The following ELF2 variants were observed in gnomAD, a reference collection of about 807,000 sequenced individuals.
ELF2 encodes E74 like ETS transcription factor 2.
A neutral mutation model predicts 54.8 loss-of-function variants in ELF2; 11 were observed. The observed-to-expected ratio is 0.20, with a 90% CI of 0.13 to 0.33. The LOEUF (loss-of-function observed/expected upper bound fraction) is 0.33. ELF2 is among the 10% of genes least tolerant of loss of function. The pLI is 1.00. For missense variants in ELF2, 513 were observed against 703.0 expected, an observed-to-expected ratio of 0.73 and a Z score of 3.06; for synonymous variants, 203 against 245.1, an observed-to-expected ratio of 0.83 and a Z score of 1.61.
intron 1 of ELF2, among the ~76,000 whole-genome samples, chr4:139,168,026 T>C (rs574902363): frequency 6.6e-6 from 1 of 152,358 alleles, no homozygotes; most frequent in South Asian, 2.1e-4. Flanking sequence ...ACCTAGTGGG[T>C]GACTCTGGCA....
chr4:139,084,215 G>A, intron 4 of ELF2: 1 of 1,612,606 alleles, frequency 6.2e-7, no homozygotes, highest in Non-Finnish European at 8.5e-7. Context: ...TGGAGCTGCT[G>A]CTTCACATTG....
At chr4:139,103,914 G>GA (rs1226932783) in intron 4 of ELF2, among the ~76,000 whole-genome samples, 1 of 152,080 alleles carries the variant, frequency 6.6e-6, no homozygotes, top group Non-Finnish European at 1.5e-5. Context: ...CTTAAGTCCT[G>GA]AAAAATAATT....
chr4:139,172,139 A>G (rs1377696850), intron 1 of ELF2, among the ~76,000 whole-genome samples: 1 of 152,172 alleles, frequency 6.6e-6, no homozygotes, highest in Non-Finnish European at 1.5e-5. Context: ...AAACAAAACC[A>G]TATGTCCACA....
At chr4:139,099,981 T>C (rs1733701110) in intron 4 of ELF2, among the ~76,000 whole-genome samples, 1 of 152,196 alleles carries the variant, frequency 6.6e-6, no homozygotes, top group Admixed American at 6.5e-5. Context: ...GAAAATGGCA[T>C]GCGTGAACAC....
At chr4:139,153,433 T>A (rs1303787236) in intron 1 of ELF2, among the ~76,000 whole-genome samples, 1 of 150,998 alleles carries the variant, frequency 6.6e-6, no homozygotes, top group Non-Finnish European at 1.5e-5. Flanking sequence ...AGACCCTGTC[T>A]CAAAAAATAA....
At position 139,061,933 on chromosome 4, in the gene ELF2, G is replaced by A; in HGVS notation, c.738C>T (p.Val246=). The A allele has an allele frequency of 5.0e-6, 8 of 1,613,898 alleles. No homozygotes were observed. Among genetic ancestry groups the A allele is most frequent in the Middle Eastern group, 1.7e-4 (1 of 6,052 alleles). ...GIFKLVDSKA[V]SKLWGKHKNK... ...TCTTATGCTTTCCCCAAAGCTTAGA[G>A]ACAGCCTTTGAATCCACCAGCTTGA... Residue 246 remains valine (V), a synonymous_variant, in exon 8 of 10, where the codon GTC becomes GTT. Transcript: ENST00000686138.
chr4:139,078,177 T>C (rs1407223643), intron 4 of ELF2, among the ~76,000 whole-genome samples: 1 of 152,222 alleles, frequency 6.6e-6, no homozygotes, highest in African/African-American at 2.4e-5. Context: ...ACAAGAGGCA[T>C]ACCTCTCAGC....
Position 139,071,111 on chromosome 4 carries a change from C to T in ELF2, c.526+755G>A, listed in dbSNP as rs138595609. Among the ~76,000 whole-genome samples, 6 of 152,102 alleles carry T rather than the reference C, an allele frequency of 3.9e-5. No homozygotes were observed. The East Asian group carries it at 9.7e-4, about 24-fold the overall frequency. On this transcript the variant is annotated intron_variant, in intron 6 of 9. Coordinates refer to ENST00000686138, the MANE Select transcript of ELF2 (RefSeq NM_001331036.3). ...GGGATGGGGGGAGCAGAAATTTCAG[C>T]AGAAGTCAAATAGTAAGTGGAAATG...
Position 139,114,921 on chromosome 4 carries a change from C to T in ELF2, c.238+10243G>A, listed in dbSNP as rs1411620910. 8.1e-5 allele frequency: 130 copies of T among 1,612,630 alleles called. 1 individual carries two copies. The highest frequency in any genetic ancestry group is 1.0e-4 in the Non-Finnish European group (120 of 1,179,322). On this transcript the variant is annotated intron_variant, in intron 4 of 9. Transcript: ENST00000686138. ...TGTGGGAACCACCGTTCTCCTGGGTCGGGGACCCTCACTTCTTCTGGGGTG... is the reference window on the plus strand; with the variant it reads ...TGTGGGAACCACCGTTCTCCTGGGTTGGGGACCCTCACTTCTTCTGGGGTG...
rs142478360 is a variant in ELF2 at position 139,134,584 on chromosome 4, ATTTATTTTAT to A, written c.72+3036_72+3045del. 7.7e-3 allele frequency among the ~76,000 whole-genome samples: 1,072 copies of A among 139,996 alleles called. 8 individuals are homozygous for A. Among genetic ancestry groups the A allele is most frequent in the African/African-American group, 0.014 (534 of 36,844 alleles). 91.8% of individuals were successfully genotyped at this position (139,996 alleles called of 152,430 possible). A position where few individuals can be genotyped will look rare whatever the true frequency, so the allele number is the denominator to read the frequency against. ...TTTATGTTATTTTATTTTATGTTAT[ATTTATTTTAT>A]TTTATTTTATTTTATTTTATTTTAT... is the stretch of plus-strand genomic sequence containing the variant. On this transcript the variant is annotated intron_variant, in intron 3 of 9. Coordinates refer to ENST00000686138, the MANE Select transcript of ELF2 (RefSeq NM_001331036.3).
intron 4 of ELF2, among the ~76,000 whole-genome samples, chr4:139,086,667 A>G (rs565215165): frequency 2.4e-4 from 37 of 152,320 alleles, no homozygotes; most frequent in African/African-American, 8.4e-4. Flanking sequence ...ATTATATAAC[A>G]AAAGGAAGAA....
At chr4:139,152,479 ACAC>A (rs1280239143) in intron 1 of ELF2, among the ~76,000 whole-genome samples, 1 of 151,992 alleles carries the variant, frequency 6.6e-6, no homozygotes, top group Non-Finnish European at 1.5e-5. Context: ...CCACAGGCAT[ACAC>A]CACCATGCCC....
chr4:139,096,254 ATTCTT>A (rs1210091950), intron 4 of ELF2, among the ~76,000 whole-genome samples: 6 of 152,130 alleles, frequency 3.9e-5, no homozygotes, highest in Non-Finnish European at 8.8e-5. Context: ...CTCTTTTACT[ATTCTT>A]TTGTGATAGT....
At chr4:139,115,724 TAGTC>T (rs751190557) in intron 4 of ELF2, among the ~76,000 whole-genome samples, 1 of 152,232 alleles carries the variant, frequency 6.6e-6, no homozygotes, top group Non-Finnish European at 1.5e-5. Context: ...TTAAAGTTGA[TAGTC>T]TCTTAAAAGT....
intron 1 of ELF2, among the ~76,000 whole-genome samples, chr4:139,155,726 T>C (rs1315182030): frequency 6.6e-6 from 1 of 152,196 alleles, no homozygotes; most frequent in Non-Finnish European, 1.5e-5. Context: ...AACTAATGAA[T>C]TGTTTAAAGA....
intron 4 of ELF2, among the ~76,000 whole-genome samples, chr4:139,112,694 T>C (rs1026582075): frequency 6.6e-6 from 1 of 152,206 alleles, no homozygotes; most frequent in Non-Finnish European, 1.5e-5. Flanking sequence ...CACTGTTGTA[T>C]AGCAAAAATT....
At chr4:139,107,653 A>G (rs944200722) in intron 4 of ELF2, among the ~76,000 whole-genome samples, 3 of 152,130 alleles carry the variant, frequency 2.0e-5, no homozygotes, top group African/African-American at 7.2e-5. Context: ...AGGGGAATCA[A>G]AAAAAAGCAC....
chr4:139,112,494 G>A (rs1345813515), intron 4 of ELF2, among the ~76,000 whole-genome samples: 1 of 152,218 alleles, frequency 6.6e-6, no homozygotes, highest in Non-Finnish European at 1.5e-5. Flanking sequence ...CTGACAGATG[G>A]CTGAATGGAG....
At chr4:139,079,831 G>C (rs564890459) in intron 4 of ELF2, among the ~76,000 whole-genome samples, 1 of 152,348 alleles carries the variant, frequency 6.6e-6, no homozygotes, top group Admixed American at 6.5e-5. Flanking sequence ...AGAATCACTT[G>C]AACCTGGGAG....
Sources: allele counts gnomAD v4.1 joint callset (sites outside exome capture counted in the v4.1 genomes callset), GRCh38; gene constraint gnomAD v4.1.1; transcripts MANE v1.5; gene names NCBI Gene and HGNC (gene_info 2026-07-23, HGNC 2026-07-21).